PAGE1: variants seen among roughly 807,000 people sequenced by gnomAD.
PAGE1 encodes the protein P antigen family member 1.
Under a neutral mutation model 11.5 loss-of-function variants are expected in PAGE1, and 6 were observed. The observed-to-expected ratio is 0.52, with a 90% CI of 0.29 to 1.03. The LOEUF (loss-of-function observed/expected upper bound fraction) is 1.03. PAGE1 is among the 50% of genes least tolerant of loss of function. PAGE1 has a pLI of 0.09. For missense variants in PAGE1, 120 were observed against 110.2 expected (o/e 1.09, Z -0.40); for synonymous variants, 42 against 40.2 (o/e 1.05, Z -0.17).
chrX:49,689,993 A>C (rs1471159008), intron 4 of PAGE1, among the ~76,000 whole-genome samples: 1 of 66,581 alleles, frequency 1.5e-5, no homozygotes, highest in Non-Finnish European at 2.7e-5. Flanking sequence ...ATATACACAC[A>C]TATATATGTG....
At chrX:49,692,778 C>CATT (rs1347627391) in intron 3 of PAGE1, among the ~76,000 whole-genome samples, 8 of 106,388 alleles carry the variant, frequency 7.5e-5, no homozygotes, top group African/African-American at 2.9e-4. Flanking sequence ...TATAACGAAA[C>CATT]ATTTATTATT....
intron 5 of PAGE1, among the ~76,000 whole-genome samples, chrX:49,687,955 T>C (rs2066889796): frequency 8.9e-6 from 1 of 112,811 alleles, no homozygotes; most frequent in Non-Finnish European, 1.9e-5. Flanking sequence ...TTTGATATGG[T>C]TAGAGATCAT....
intron 1 of PAGE1, among the ~76,000 whole-genome samples, chrX:49,695,567 G>A (rs782656646): frequency 1.8e-4 from 20 of 111,465 alleles, no homozygotes; most frequent in African/African-American, 6.2e-4. Context: ...CTACCACCTC[G>A]GGACTTTGAC....
intron 4 of PAGE1, among the ~76,000 whole-genome samples, chrX:49,690,116 TATATGTGTATATATAC>T (rs2066914304): frequency 2.3e-5 from 2 of 85,266 alleles, no homozygotes; most frequent in Admixed American, 2.6e-4. Context: ...TATACACATA[TATATGTGTATATATAC>T]ACATATATAT....
intron 3 of PAGE1, 58 bp downstream of exon 3, chrX:49,694,021 GACACACACACACACACACAC>G (rs565227923): frequency 1.1e-5 from 4 of 368,811 alleles, no homozygotes; most frequent in South Asian, 9.0e-5. Flanking sequence ...CAATGCATGA[GACACACACACACACACACAC>G]ACACACACAC....
At chrX:49,694,911 A>C (rs1557142676) in intron 1 of PAGE1, 133 bp from the exon 2 acceptor site, 3 of 412,434 alleles carry the variant, frequency 7.3e-6, no homozygotes, top group Non-Finnish European at 1.3e-5. Flanking sequence ...AGTTAAGTGC[A>C]AGTGTGTACG....
chrX:49,693,890 T>G (rs924582533), intron 3 of PAGE1, among the ~76,000 whole-genome samples: 15 of 110,386 alleles, frequency 1.4e-4, no homozygotes, highest in Non-Finnish European at 2.7e-4. Flanking sequence ...GTGGAGAAAT[T>G]TTATCATAGT....
intron 5 of PAGE1, among the ~76,000 whole-genome samples, chrX:49,687,988 G>C (rs1363389690): frequency 8.9e-6 from 1 of 112,791 alleles, no homozygotes; most frequent in Non-Finnish European, 1.9e-5. Context: ...AGTCTTATTA[G>C]AAATAGTGGC....
Position 49,689,382 on chromosome X carries a change from A to G in PAGE1, c.418+36T>C, listed in dbSNP as rs782123748. On this transcript the variant is annotated intron_variant, in intron 5 of 5. Coordinates refer to ENST00000376150, the MANE Select transcript of PAGE1 (RefSeq NM_003785.4). ...TTATAATATGATACTGTGGAAACAG[A>G]CACCCTACAATTTGCATGCCTAATG... The G allele has an allele frequency of 8.9e-6, 9 of 1,011,150 alleles. No homozygotes were observed. The East Asian group carries it at 4.7e-4, about 53-fold the overall frequency. The allele number at this position is 1,011,150 out of a possible 1,213,427, so 83.3% of individuals were successfully genotyped here. A position where few individuals can be genotyped will look rare whatever the true frequency, so the allele number is the denominator to read the frequency against.
chrX:49,692,286 T>C (rs941725173), intron 3 of PAGE1, among the ~76,000 whole-genome samples: 1 of 112,454 alleles, frequency 8.9e-6, no homozygotes, highest in Non-Finnish European at 1.9e-5. Context: ...ATCCAAGGAA[T>C]GACTTTTTCT....
chrX:49,689,396 G>A (rs376838036), intron 5 of PAGE1, 22 bp downstream of exon 5: 104 of 1,057,423 alleles, frequency 9.8e-5, no homozygotes, highest in Non-Finnish European at 1.2e-4. Context: ...CCTACAATTT[G>A]CATGCCTAAT....
At chrX:49,693,317 G>T (rs1193514180) in intron 3 of PAGE1, among the ~76,000 whole-genome samples, 1 of 111,833 alleles carries the variant, frequency 8.9e-6, no homozygotes, top group Non-Finnish European at 1.9e-5. Context: ...GGAATGAGTG[G>T]ACAGCAATTA....
chrX:49,694,124 C>CT lies in PAGE1; in HGVS notation c.140dup (p.Asp48GlyfsTer2). 1 of 1,192,768 alleles carries CT rather than the reference C, an allele frequency of 8.4e-7. No individual in the cohort carries two copies. Among genetic ancestry groups the CT allele is most frequent in the Non-Finnish European group, 1.1e-6 (1 of 882,884 alleles). ...CTTGAGCTGCAGATGCTCCCTCATC[C>CT]TCTCTCTCTTCAGCAGGTGTAGAAT... On this transcript the variant is annotated frameshift_variant, in exon 3 of 6. Coordinates refer to ENST00000376150, the MANE Select transcript of PAGE1 (RefSeq NM_003785.4). LOFTEE classifies it high-confidence loss of function.
Position 49,687,450 on chromosome X carries a change from T to A in PAGE1, c.*91A>T. The A allele has an allele frequency of 1.2e-6, 1 of 857,294 alleles. No individual in the cohort carries two copies. The highest frequency in any genetic ancestry group is 1.7e-6 in the Non-Finnish European group (1 of 576,891). The allele number at this position is 857,294 out of a possible 1,213,427, so 70.7% of individuals were successfully genotyped here. A position where few individuals can be genotyped will look rare whatever the true frequency, so the allele number is the denominator to read the frequency against. ...ATTAACAAAAGATGCACAAGACTTCTTTGCAGAAGGCTGTAAAGCTTTATT... is the reference window on the plus strand; with the variant it reads ...ATTAACAAAAGATGCACAAGACTTCATTGCAGAAGGCTGTAAAGCTTTATT... On this transcript the variant is annotated 3_prime_UTR_variant, in exon 6 of 6. Coordinates refer to ENST00000376150, the MANE Select transcript of PAGE1 (RefSeq NM_003785.4).
chrX:49,693,303 C>T (rs1475885234), intron 3 of PAGE1, among the ~76,000 whole-genome samples: 2 of 111,841 alleles, frequency 1.8e-5, no homozygotes, highest in Non-Finnish European at 3.8e-5. Context: ...ACGCTGAGAA[C>T]AAAGGAATGA....
In PAGE1 at chrX:49,694,287, C is replaced by T; in HGVS notation, c.64-86G>A. ...GTCAAAAAATATATACGTATACACA[C>T]AGAGAATGCATAGATGTTTCTGATC... On this transcript the variant is annotated intron_variant, in intron 2 of 5. Coordinates refer to ENST00000376150, the MANE Select transcript of PAGE1 (RefSeq NM_003785.4). 3 of 481,477 alleles carry T rather than the reference C, an allele frequency of 6.2e-6. No individual in the cohort carries two copies. The East Asian group carries it at 1.2e-4, about 19-fold the overall frequency. 39.7% of individuals were successfully genotyped at this position (481,477 alleles called of 1,213,427 possible).
intron 5 of PAGE1, among the ~76,000 whole-genome samples, chrX:49,688,050 T>C (rs2066890232): frequency 8.9e-6 from 1 of 112,784 alleles, no homozygotes; most frequent in South Asian, 3.6e-4. Context: ...GGCATCTTAC[T>C]CACACCCATG....
intron 5 of PAGE1, among the ~76,000 whole-genome samples, chrX:49,689,208 G>A (rs782070594): frequency 5.5e-5 from 6 of 108,859 alleles, no homozygotes; most frequent in African/African-American, 1.7e-4. Context: ...GGGCGTGGTG[G>A]AGCACGCCTG....
chrX:49,689,611 T>TATAC (rs1300519003), intron 4 of PAGE1, 68 bp from the exon 5 acceptor site: 85 of 75,910 alleles, frequency 1.1e-3, no homozygotes, highest in African/African-American at 5.4e-3. Context: ...TATATATATA[T>TATAC]ACATATACAT....
Sources: gnomAD v4.1 joint callset for allele counts (sites outside exome capture counted in the v4.1 genomes callset) on GRCh38, gnomAD v4.1.1 for gene constraint, MANE v1.5 for transcripts, NCBI Gene and HGNC (gene_info 2026-07-23, HGNC 2026-07-21) for gene names.